PDS5B: variants seen among roughly 807,000 people sequenced by gnomAD.
The protein encoded by PDS5B is sister chromatid cohesion protein PDS5 homolog B.
In PDS5B, 51 loss-of-function variants were observed where a neutral mutation model predicts 184.1. The ratio of observed to expected loss-of-function variants is 0.28; its 90% CI spans 0.22 to 0.35. The LOEUF (loss-of-function observed/expected upper bound fraction) is 0.35. Among genes scored for constraint, PDS5B ranks in the 10% least tolerant of loss-of-function variants. The probability of loss-of-function intolerance (pLI) is 1.00; values close to 1 mark genes in which losing one functional copy is unlikely to be tolerated. For synonymous variants in PDS5B, 566 were observed against 569.2 expected (o/e 0.99, Z 0.08); for missense variants, 1,180 against 1,723.3 (o/e 0.68, Z 5.58).
At position 32,775,706 on chromosome 13, in the gene PDS5B, G is replaced by T. The variant is rs1566439273; in HGVS notation, c.*654G>T. ...TTGTGAAATAGTCCTGAAGTTCTTG[G>T]ATTACTTTACACCTCAGTATTGATT... On this transcript the variant is annotated 3_prime_UTR_variant, in exon 35 of 35. Transcript: ENST00000315596. The T allele has an allele frequency of 4.4e-6, 2 of 455,880 alleles. No individual in the cohort carries two copies. The highest frequency in any genetic ancestry group is 1.4e-4 in the East Asian group (2 of 14,364). The allele number at this position is 455,880 out of a possible 1,614,324, so 28.2% of individuals were successfully genotyped here.
At chr13:32,711,559 T>C (rs1044094074) in intron 19 of PDS5B, among the ~76,000 whole-genome samples, 5 of 151,806 alleles carry the variant, frequency 3.3e-5, no homozygotes, top group Non-Finnish European at 1.5e-5. Context: ...GGCTTCACCA[T>C]GTTGACCAGG....
chr13:32,623,223 T>C (rs1294221952), intron 1 of PDS5B, among the ~76,000 whole-genome samples: 1 of 152,188 alleles, frequency 6.6e-6, no homozygotes, highest in Non-Finnish European at 1.5e-5. Context: ...ACACTAGTTT[T>C]AGGTTTCATA....
chr13:32,662,882 A>G (rs1950685494), intron 6 of PDS5B, among the ~76,000 whole-genome samples: 1 of 152,174 alleles, frequency 6.6e-6, no homozygotes, highest in Admixed American at 6.5e-5. Flanking sequence ...AATGGTGTCT[A>G]TGTACAGTTT....
At chr13:32,667,635 C>T in intron 6 of PDS5B, 129 bp from the exon 7 acceptor site, 1 of 587,122 alleles carries the variant, frequency 1.7e-6, no homozygotes, top group Non-Finnish European at 2.9e-6. Context: ...GTGGTTTTGC[C>T]TTCTCTCTTT....
intron 1 of PDS5B, among the ~76,000 whole-genome samples, chr13:32,647,977 C>G (rs1318141566): frequency 6.6e-6 from 1 of 152,216 alleles, no homozygotes; most frequent in African/African-American, 2.4e-5. Context: ...CTGTTATTAA[C>G]CAGGGGTCTG....
chr13:32,655,662 C>T (rs1190373009), intron 3 of PDS5B, among the ~76,000 whole-genome samples: 2 of 151,868 alleles, frequency 1.3e-5, no homozygotes, highest in Admixed American at 1.3e-4. Context: ...TGAGCCACTG[C>T]ACCCGGCCTG....
At chr13:32,689,728 A>T (rs1049921875) in intron 13 of PDS5B, 1 of 152,042 alleles carries the variant, frequency 6.6e-6, no homozygotes. Context: ...AAAATACATT[A>T]CTCTCATATT....
chr13:32,710,038 A>G lies in PDS5B; in HGVS notation c.2055A>G (p.Ala685=). ...TGAAAATGGATGATGAAAAAGTAGC[A>G]GAAGCTGCACTACAAATTTTCAAAA... The part of the protein sequence containing the change: ...ACLKMDDEKV[A]EAALQIFKNT... Residue 685 remains alanine (A), a synonymous_variant, in exon 19 of 35, where the codon GCA becomes GCG. Transcript: ENST00000315596. 3 of 1,547,690 alleles carry G rather than the reference A, an allele frequency of 1.9e-6. No individual in the cohort carries two copies. The highest frequency in any genetic ancestry group is 2.6e-6 in the Non-Finnish European group (3 of 1,136,992).
chr13:32,592,979 A>G (rs1449330729), intron 1 of PDS5B, among the ~76,000 whole-genome samples: 2 of 152,216 alleles, frequency 1.3e-5, no homozygotes, highest in African/African-American at 2.4e-5. Flanking sequence ...TACAACTCAC[A>G]TACCATAATC....
At chr13:32,666,621 G>A (rs984400914) in intron 6 of PDS5B, among the ~76,000 whole-genome samples, 1 of 151,774 alleles carries the variant, frequency 6.6e-6, no homozygotes, top group Non-Finnish European at 1.5e-5. Context: ...ATGAAAAAAA[G>A]TCTCCATACT....
At position 32,659,298 on chromosome 13, in the gene PDS5B, C is replaced by T; in HGVS notation, c.624+18C>T. ...CTCATAAGGTGAGTAGCAATGTATA[C>T]TGTAATGTGTCTAATGCCCGTTAAT... On this transcript the variant is annotated intron_variant, in intron 6 of 34. Coordinates refer to ENST00000315596, the MANE Select transcript of PDS5B (RefSeq NM_015032.4). 4 of 1,541,346 alleles carry T rather than the reference C, an allele frequency of 2.6e-6. No homozygotes were observed. Among genetic ancestry groups the T allele is most frequent in the South Asian group, 2.5e-5 (2 of 79,082 alleles).
At chr13:32,608,366 C>T (rs183006958) in intron 1 of PDS5B, among the ~76,000 whole-genome samples, 44 of 152,240 alleles carry the variant, frequency 2.9e-4, no homozygotes, top group East Asian at 7.7e-4. Context: ...ACATATTCAC[C>T]GCTTTCTATA....
chr13:32,627,309 A>G (rs1009087397), intron 1 of PDS5B, among the ~76,000 whole-genome samples: 4 of 152,208 alleles, frequency 2.6e-5, no homozygotes, highest in Non-Finnish European at 5.9e-5. Context: ...GATGGATGCT[A>G]TCTACATTTT....
At chr13:32,598,684 A>C (rs1212101133) in intron 1 of PDS5B, among the ~76,000 whole-genome samples, 1 of 151,730 alleles carries the variant, frequency 6.6e-6, no homozygotes, top group African/African-American at 2.4e-5. Flanking sequence ...AGTTTTCATT[A>C]CTTTAAATAT....
At chr13:32,742,396 A>G (rs1953589637) in intron 22 of PDS5B, among the ~76,000 whole-genome samples, 195 bp from the exon 23 acceptor site, 1 of 152,190 alleles carries the variant, frequency 6.6e-6, no homozygotes, top group Non-Finnish European at 1.5e-5. Context: ...TCTTTAGTCA[A>G]ATCATTCTTT....
At chr13:32,709,837 A>T (rs1952147490) in intron 18 of PDS5B, 109 bp from the exon 19 acceptor site, 1 of 609,698 alleles carries the variant, frequency 1.6e-6, no homozygotes. Context: ...GGTCAACATA[A>T]TTTTTTTTAA....
intron 24 of PDS5B, among the ~76,000 whole-genome samples, chr13:32,752,403 A>G (rs1048952045): frequency 1.3e-5 from 2 of 152,160 alleles, no homozygotes; most frequent in African/African-American, 4.8e-5. Flanking sequence ...CTCCACTGAT[A>G]AGGGGGAGCT....
At chr13:32,766,073 A>G (rs934422742) in intron 31 of PDS5B, among the ~76,000 whole-genome samples, 14 of 152,220 alleles carry the variant, frequency 9.2e-5, no homozygotes, top group African/African-American at 3.1e-4. Context: ...TGGAAAAGGT[A>G]TTATGTCTTC....
intron 30 of PDS5B, among the ~76,000 whole-genome samples, chr13:32,763,275 A>G (rs1954471291): frequency 6.6e-6 from 1 of 152,018 alleles, no homozygotes. Context: ...TAGCAATCTC[A>G]TTTGTGGTTT....
Sources: gnomAD v4.1 joint callset for allele counts (sites outside exome capture counted in the v4.1 genomes callset) on GRCh38, gnomAD v4.1.1 for gene constraint, MANE v1.5 for transcripts, NCBI Gene and HGNC (gene_info 2026-07-23, HGNC 2026-07-21) for gene names.